RBFOX3: variants seen among roughly 807,000 people sequenced by gnomAD.
RBFOX3 encodes RNA binding fox-1 homolog 3.
In RBFOX3, 17 loss-of-function variants were observed where a neutral mutation model predicts 48.7. That is an observed-to-expected ratio of 0.35 (90% CI 0.24 to 0.52). The LOEUF is 0.52. Ranked by LOEUF, RBFOX3 falls within the 20% of genes least tolerant of loss-of-function variation. The pLI is 0.94. For synonymous variants in RBFOX3, 212 were observed against 209.5 expected (o/e 1.01, Z -0.10); for missense variants, 382 against 497.5 (o/e 0.77, Z 2.21).
intron 1 of RBFOX3, among the ~76,000 whole-genome samples, chr17:79,557,164 T>C (rs1282911121): frequency 3.6e-5 from 5 of 140,258 alleles, no homozygotes; most frequent in Admixed American, 1.6e-4. Context: ...AGGCAGAGGT[T>C]GCAATGAGCC....
intron 2 of RBFOX3, among the ~76,000 whole-genome samples, chr17:79,365,497 T>C (rs1234425019): frequency 6.6e-6 from 1 of 152,272 alleles, no homozygotes. Context: ...TTAATTCCAA[T>C]GTGCTCTAGC....
At chr17:79,444,988 A>G (rs940144329) in intron 2 of RBFOX3, among the ~76,000 whole-genome samples, 1 of 152,114 alleles carries the variant, frequency 6.6e-6, no homozygotes, top group South Asian at 2.1e-4. Flanking sequence ...ACATTTCAGG[A>G]AAATGGAGTC....
intron 2 of RBFOX3, among the ~76,000 whole-genome samples, chr17:79,425,775 G>T (rs2067245597): frequency 1.3e-5 from 2 of 152,166 alleles, no homozygotes; most frequent in African/African-American, 4.8e-5. Context: ...GGGGGCCCGG[G>T]GGTTCCGAAA....
chr17:79,438,480 G>A (rs1316645857), intron 2 of RBFOX3, among the ~76,000 whole-genome samples: 12 of 152,238 alleles, frequency 7.9e-5, no homozygotes, highest in Admixed American at 5.9e-4. Context: ...CCATGGCTCT[G>A]CTCTCCTGGA....
chr17:79,639,412 G>A, the RBFOX3 span, among the ~76,000 whole-genome samples: 5 of 152,136 alleles, frequency 3.3e-5, no homozygotes, highest in Admixed American at 6.5e-5. Flanking sequence ...TCCTGACCTC[G>A]TGATCTGCCT....
intron 2 of RBFOX3, among the ~76,000 whole-genome samples, chr17:79,419,149 C>T (rs2065843402): frequency 6.6e-6 from 1 of 152,198 alleles, no homozygotes; most frequent in African/African-American, 2.4e-5. Flanking sequence ...CCTCTGTGGG[C>T]TGCCCGGCCA....
chr17:79,579,773 G>GCGCCGTGGTGGGGGTGTCACTGA (rs2092988781), intron 1 of RBFOX3, among the ~76,000 whole-genome samples: 5 of 148,246 alleles, frequency 3.4e-5, no homozygotes, highest in Non-Finnish European at 7.5e-5. Context: ...GGTGTCACTG[G>GCGCCGTGGTGGGGGTGTCACTGA]CGCCGTGGTG....
intron 4 of RBFOX3, among the ~76,000 whole-genome samples, chr17:79,196,803 A>C (rs1478671859): frequency 6.6e-6 from 1 of 152,220 alleles, no homozygotes; most frequent in African/African-American, 2.4e-5. Flanking sequence ...TTAGGAATGC[A>C]TTATGCTTAT....
At chr17:79,406,712 A>G (rs1204297775) in intron 2 of RBFOX3, among the ~76,000 whole-genome samples, 1 of 152,190 alleles carries the variant, frequency 6.6e-6, no homozygotes, top group Non-Finnish European at 1.5e-5. Context: ...TGGCTCCAGC[A>G]GTTGATAAAA....
chr17:79,268,838 C>T (rs2067193381), intron 3 of RBFOX3, among the ~76,000 whole-genome samples: 1 of 152,232 alleles, frequency 6.6e-6, no homozygotes, highest in Admixed American at 6.5e-5. Context: ...CCTGTTCCTT[C>T]CTCCCACAGA....
intron 4 of RBFOX3, among the ~76,000 whole-genome samples, chr17:79,125,766 G>A (rs1280732968): frequency 1.3e-5 from 2 of 152,250 alleles, no homozygotes; most frequent in Non-Finnish European, 2.9e-5. Flanking sequence ...AGGCTGCAGT[G>A]GGAGTGAGGC....
intron 2 of RBFOX3, among the ~76,000 whole-genome samples, chr17:79,406,589 C>A (rs1382492970): frequency 2.0e-5 from 3 of 152,162 alleles, no homozygotes; most frequent in Non-Finnish European, 4.4e-5. Flanking sequence ...AGGATGGGGA[C>A]AATTAACAAA....
chr17:79,624,018 G>A, the RBFOX3 span, among the ~76,000 whole-genome samples: 1 of 152,076 alleles, frequency 6.6e-6, no homozygotes, highest in African/African-American at 2.4e-5. Context: ...GAAACAGACC[G>A]CACCTTTGAC....
chr17:79,441,845 C>T (rs1186743240), intron 2 of RBFOX3, among the ~76,000 whole-genome samples: 7 of 152,120 alleles, frequency 4.6e-5, no homozygotes, highest in Non-Finnish European at 7.3e-5. Context: ...CTGGTTCAGC[C>T]CTGGCCCAGG....
chr17:79,547,581 G>C (rs1387808732), intron 1 of RBFOX3, among the ~76,000 whole-genome samples: 1 of 152,180 alleles, frequency 6.6e-6, no homozygotes, highest in Non-Finnish European at 1.5e-5. Flanking sequence ...CTGGAGCTGA[G>C]TCCACTCACC....
intron 2 of RBFOX3, among the ~76,000 whole-genome samples, chr17:79,472,249 G>A (rs1463850578): frequency 6.6e-6 from 1 of 152,206 alleles, no homozygotes; most frequent in Non-Finnish European, 1.5e-5. Context: ...TGGTGGCAGA[G>A]GGTTGGGAGT....
intron 1 of RBFOX3, among the ~76,000 whole-genome samples, chr17:79,555,691 ATGG>A (rs1338651766): frequency 5.9e-5 from 9 of 152,114 alleles, no homozygotes; most frequent in Non-Finnish European, 1.2e-4. Flanking sequence ...GATGGTGGTG[ATGG>A]TGGTGATAGT....
At chr17:79,425,218 C>T (rs1555724863) in intron 2 of RBFOX3, among the ~76,000 whole-genome samples, 1 of 152,214 alleles carries the variant, frequency 6.6e-6, no homozygotes, top group Non-Finnish European at 1.5e-5. Context: ...AACCCCCCTT[C>T]CTGGAGCACC....
intron 2 of RBFOX3, among the ~76,000 whole-genome samples, chr17:79,352,365 G>A (rs558475258): frequency 3.4e-4 from 52 of 152,266 alleles, no homozygotes; most frequent in African/African-American, 1.2e-3. Flanking sequence ...CTTCCTCTTT[G>A]TCTTCTGCCA....
Sources: gnomAD v4.1 joint callset for allele counts (sites outside exome capture counted in the v4.1 genomes callset) on GRCh38, gnomAD v4.1.1 for gene constraint, MANE v1.5 for transcripts, NCBI Gene and HGNC (gene_info 2026-07-23, HGNC 2026-07-21) for gene names.